Variants in DCAF10 observed in about 807,000 individuals in gnomAD.
DCAF10 encodes DDB1- and CUL4-associated factor 10.
In DCAF10, 19 loss-of-function variants were observed where a neutral mutation model predicts 51.9. That is an observed-to-expected ratio of 0.37 (90% CI 0.26 to 0.54). The LOEUF is 0.54. Ranked by LOEUF, DCAF10 falls within the 20% of genes least tolerant of loss-of-function variation. The pLI, the probability that DCAF10 is intolerant of heterozygous loss-of-function variation, is 0.87. For synonymous variants in DCAF10, 291 were observed against 297.1 expected, an observed-to-expected ratio of 0.98 and a Z score of 0.21; for missense variants, 510 against 730.6, an observed-to-expected ratio of 0.70 and a Z score of 3.48.
intron 2 of DCAF10, among the ~76,000 whole-genome samples, chr9:37,838,390 G>A (rs1459384820): frequency 6.6e-6 from 1 of 151,754 alleles, no homozygotes; most frequent in East Asian, 1.9e-4. Flanking sequence ...CTCCATATTG[G>A]TATGATTTTT....
intron 3 of DCAF10, among the ~76,000 whole-genome samples, chr9:37,844,318 C>T (rs1385279559): frequency 1.3e-5 from 2 of 151,622 alleles, no homozygotes; most frequent in Non-Finnish European, 1.5e-5. Context: ...GTCAGGAGAC[C>T]AGCCTGGCCA....
intron 5 of DCAF10, among the ~76,000 whole-genome samples, chr9:37,858,794 T>C (rs1384936285): frequency 1.3e-5 from 2 of 152,234 alleles, no homozygotes; most frequent in Non-Finnish European, 2.9e-5. Flanking sequence ...ATTAGAACTC[T>C]ATTTTTGACA....
chr9:37,842,882 C>T (rs886975281), intron 3 of DCAF10, among the ~76,000 whole-genome samples: 5 of 152,290 alleles, frequency 3.3e-5, no homozygotes, highest in African/African-American at 1.2e-4. Context: ...TGCAACATTC[C>T]AACAAAATGT....
intron 3 of DCAF10, among the ~76,000 whole-genome samples, chr9:37,848,833 C>T (rs1015513475): frequency 9.2e-5 from 14 of 151,720 alleles, no homozygotes; most frequent in East Asian, 1.9e-4. Context: ...ATTAGCAGGG[C>T]GTGGTGGTGG....
At chr9:37,808,625 TATA>T (rs1388806483) in intron 1 of DCAF10, among the ~76,000 whole-genome samples, 2 of 34,986 alleles carry the variant, frequency 5.7e-5, no homozygotes, top group South Asian at 1.2e-3. Flanking sequence ...AATATATTTA[TATA>T]ATATAATATA....
intron 2 of DCAF10, among the ~76,000 whole-genome samples, chr9:37,837,170 C>T (rs1478021088): frequency 2.0e-5 from 3 of 151,988 alleles, no homozygotes; most frequent in African/African-American, 7.2e-5. Flanking sequence ...TTGAAAATTG[C>T]GCAAAGCAGG....
intron 2 of DCAF10, among the ~76,000 whole-genome samples, chr9:37,840,378 C>A (rs1049760195): frequency 7.9e-5 from 12 of 152,088 alleles, no homozygotes; most frequent in African/African-American, 2.9e-4. Context: ...TGGAGGCCTT[C>A]CAGTGGGGCA....
intron 2 of DCAF10, among the ~76,000 whole-genome samples, chr9:37,830,125 G>T (rs1229547665): frequency 6.6e-6 from 1 of 152,114 alleles, no homozygotes; most frequent in Non-Finnish European, 1.5e-5. Flanking sequence ...CTATCAAGAG[G>T]AAATATTAAT....
intron 2 of DCAF10, among the ~76,000 whole-genome samples, chr9:37,838,073 T>C (rs898493518): frequency 6.6e-6 from 1 of 151,954 alleles, no homozygotes; most frequent in Non-Finnish European, 1.5e-5. Flanking sequence ...ATAAACCATA[T>C]AAAAGATAGA....
intron 2 of DCAF10, among the ~76,000 whole-genome samples, chr9:37,834,816 T>TTC (rs1830106918): frequency 7.1e-6 from 1 of 141,060 alleles, no homozygotes; most frequent in Non-Finnish European, 1.5e-5. Context: ...GAGACAGGGT[T>TTC]TCACTCATGT....
chr9:37,801,070 C>G lies in DCAF10; in HGVS notation c.204C>G (p.Ser68=). The change falls in exon 1 of 7, where the codon TCC becomes TCG. Residue 68 remains serine (S), a synonymous_variant. Coordinates refer to ENST00000377724, the MANE Select transcript of DCAF10 (RefSeq NM_024345.5). This position sits in a 1 kb window ranked among gnomAD's most constrained non-coding sequence, Gnocchi z 5.5. ...CATCGCTGTCCCCGGCCCCGCGCTC[C>G]GGAGAGCTAGGGCTGCCTGGAGCTC... is the stretch of plus-strand genomic sequence containing the variant. ...GAPSLSPAPR[S]GELGLPGAPE... The G allele has an allele frequency of 6.5e-7, 1 of 1,531,886 alleles. No homozygotes were observed. Among genetic ancestry groups the G allele is most frequent in the Non-Finnish European group, 8.7e-7 (1 of 1,146,740 alleles). 94.9% of individuals were successfully genotyped at this position (1,531,886 alleles called of 1,614,324 possible).
chr9:37,838,025 GA>G (rs940763739), intron 2 of DCAF10, among the ~76,000 whole-genome samples: 16 of 131,358 alleles, frequency 1.2e-4, no homozygotes, highest in African/African-American at 4.2e-4. Context: ...CCTGTCTCAA[GA>G]AAAAAAAAAA....
At chr9:37,857,070 G>C (rs12000384) in intron 4 of DCAF10, among the ~76,000 whole-genome samples, 171 bp from the exon 5 acceptor site, 6,639 of 152,230 alleles carry the variant, frequency 0.044, 491 homozygotes, top group African/African-American at 0.15. Flanking sequence ...AAAGGGACTA[G>C]ATCTTAGAAC....
Position 37,852,340 on chromosome 9 carries a change from T to C in DCAF10, c.852-2440T>C, listed in dbSNP as rs781506048. 3.3e-5 allele frequency among the ~76,000 whole-genome samples: 5 copies of C among 152,196 alleles called. No homozygotes were observed. The East Asian group carries it at 5.8e-4, about 18-fold the overall frequency. ...AGCTGGGCATAGTGGCTCATACTTA[T>C]AATCTCAGCACTTTGAGAGGCTGAA... is the stretch of plus-strand genomic sequence containing the variant. On this transcript the variant is annotated intron_variant, in intron 3 of 6. Transcript: ENST00000377724.
intron 1 of DCAF10, among the ~76,000 whole-genome samples, chr9:37,811,995 C>T (rs561593790): frequency 2.0e-5 from 3 of 151,934 alleles, no homozygotes; most frequent in Admixed American, 6.6e-5. Flanking sequence ...GAGACCAGCC[C>T]GGCCAACATG....
At chr9:37,846,707 C>T (rs749058088) in intron 3 of DCAF10, among the ~76,000 whole-genome samples, 12 of 152,022 alleles carry the variant, frequency 7.9e-5, no homozygotes, top group Admixed American at 2.0e-4. Context: ...CTGCCCACCT[C>T]GGCCTCCCAA....
At chr9:37,810,363 G>A (rs1019147436) in intron 1 of DCAF10, among the ~76,000 whole-genome samples, 23 of 152,346 alleles carry the variant, frequency 1.5e-4, no homozygotes, top group Non-Finnish European at 2.4e-4. Context: ...AGCCAGTGAT[G>A]TGAGCCCAGC....
At chr9:37,837,340 TC>T (rs1830195962) in intron 2 of DCAF10, among the ~76,000 whole-genome samples, 1 of 150,832 alleles carries the variant, frequency 6.6e-6, no homozygotes, top group South Asian at 2.1e-4. Flanking sequence ...GTGCCTGTAA[TC>T]CCAGCTACTC....
intron 1 of DCAF10, among the ~76,000 whole-genome samples, chr9:37,807,494 A>G: frequency 6.6e-6 from 1 of 152,304 alleles, no homozygotes. Context: ...TCCAAAAATT[A>G]ATAAATGATT....
Sources: allele counts gnomAD v4.1 joint callset (sites outside exome capture counted in the v4.1 genomes callset), GRCh38; gene constraint gnomAD v4.1.1; non-coding constraint Gnocchi (gnomAD v3.1); transcripts MANE v1.5; gene names NCBI Gene and HGNC (gene_info 2026-07-23, HGNC 2026-07-21).